Variants in WDR49 observed in about 807,000 individuals in gnomAD.
WDR49 encodes cilia- and flagella-associated protein 337.
Under a neutral mutation model 119.5 loss-of-function variants are expected in WDR49, and 107 were observed. The ratio of observed to expected loss-of-function variants is 0.90; its 90% CI spans 0.77 to 1.05. The LOEUF is 1.05. WDR49 is among the 50% of genes least tolerant of loss of function. The probability of loss-of-function intolerance (pLI) is 0.00; values close to 1 mark genes in which losing one functional copy is unlikely to be tolerated. For missense variants in WDR49, 1,240 were observed against 1,220.5 expected (o/e 1.02, Z -0.24); for synonymous variants, 425 against 418.8 (o/e 1.01, Z -0.18).
Position 167,527,908 on chromosome 3 carries a change from C to T in WDR49, c.2516G>A (p.Gly839Asp). ...GGAGGAGATAATCAGTAACTGACCA[C>T]CTGGCTCACACATCTCTAAGGAACT... ...RISSLEMCEP[G>D]GQLLIISSSA... Residue 839 changes from glycine (G) to aspartate (D), a missense_variant, in exon 15 of 19, where the codon GGT (glycine) becomes GAT (aspartate). By Grantham distance (94) the Gly-to-Asp change is moderately conservative (BLOSUM62 -1). Coordinates refer to ENST00000682715, the MANE Select transcript of WDR49 (RefSeq NM_001366157.1). 2 of 1,613,268 alleles carry T rather than the reference C, an allele frequency of 1.2e-6. No individual in the cohort carries two copies. Among genetic ancestry groups the T allele is most frequent in the Non-Finnish European group, 1.7e-6 (2 of 1,179,564 alleles).
chr3:167,500,904 T>C (rs1305986227), intron 17 of WDR49, among the ~76,000 whole-genome samples: 1 of 152,236 alleles, frequency 6.6e-6, no homozygotes, highest in Non-Finnish European at 1.5e-5. Flanking sequence ...TGTTTCTTTG[T>C]TAGTTCTGTG....
At chr3:167,522,013 G>GATAGATAGATAT (rs1275356016) in intron 16 of WDR49, among the ~76,000 whole-genome samples, 2 of 119,340 alleles carry the variant, frequency 1.7e-5, no homozygotes, top group African/African-American at 2.8e-5. Context: ...TAGATAGATA[G>GATAGATAGATAT]ATAGATTGTT....
intron 17 of WDR49, among the ~76,000 whole-genome samples, chr3:167,501,720 A>G (rs1191331100): frequency 1.3e-5 from 2 of 152,230 alleles, no homozygotes; most frequent in Non-Finnish European, 2.9e-5. Flanking sequence ...AATATACCTT[A>G]GTATAATAAT....
chr3:167,630,004 T>C (rs1717297893), intron 2 of WDR49, among the ~76,000 whole-genome samples: 1 of 152,126 alleles, frequency 6.6e-6, no homozygotes, highest in Non-Finnish European at 1.5e-5. Context: ...TGTAGACTAT[T>C]AAATAAACTT....
chr3:167,630,278 C>T (rs1384101963), intron 2 of WDR49, among the ~76,000 whole-genome samples: 2 of 152,108 alleles, frequency 1.3e-5, no homozygotes, highest in South Asian at 2.1e-4. Flanking sequence ...CATTACCTCT[C>T]GCCAAAGGCT....
chr3:167,631,134 G>A (rs1050604735), intron 2 of WDR49, among the ~76,000 whole-genome samples: 1 of 151,970 alleles, frequency 6.6e-6, no homozygotes, highest in Non-Finnish European at 1.5e-5. Context: ...GGAGCTGGGG[G>A]AGGGATAGCG....
At chr3:167,512,213 AG>A (rs145741176) in intron 16 of WDR49, among the ~76,000 whole-genome samples, 2,644 of 152,240 alleles carry the variant, frequency 0.017, 78 homozygotes, top group African/African-American at 0.061. Flanking sequence ...CACTGGCATC[AG>A]GTCAGTGCAC....
Position 167,627,189 on chromosome 3 carries a change from A to G in WDR49, c.269T>C (p.Phe90Ser). The G allele has an allele frequency of 8.0e-7, 1 of 1,257,468 alleles. No individual in the cohort carries two copies. The highest frequency in any genetic ancestry group is 1.0e-6 in the Non-Finnish European group (1 of 1,002,224). 77.9% of individuals were successfully genotyped at this position (1,257,468 alleles called of 1,614,324 possible). ...ATCTTGGGCCACATCCACTTTGTCA[A>G]AGAGCTCCCCATATTCTTCCTTCGT... The part of the protein sequence containing the change: ...WGTKEEYGEL[F>S]DKVDVAQDGF... The change falls in exon 3 of 19, where the codon TTT (phenylalanine) becomes TCT (serine). Residue 90 changes from phenylalanine to serine, a missense_variant. Phe to Ser is a radical substitution (Grantham distance 155). Transcript: ENST00000682715.
Position 167,529,086 on chromosome 3 carries a change from T to A in WDR49, c.2372A>T (p.Asp791Val), listed in dbSNP as rs1402100125. 1 of 1,592,326 alleles carries A rather than the reference T, an allele frequency of 6.3e-7. No individual in the cohort carries two copies. The highest frequency in any genetic ancestry group is 1.4e-5 in the African/African-American group (1 of 73,756). The change falls in exon 14 of 19, where the codon GAT becomes GTT. Residue 791 changes from aspartate to valine, a missense_variant. Coordinates refer to ENST00000682715, the MANE Select transcript of WDR49 (RefSeq NM_001366157.1). ...CCAGATTTTCAACCATCCATCAAGATCTCCTGTGGTAAGGTATCGATTCAT... is the reference window on the plus strand; with the variant it reads ...CCAGATTTTCAACCATCCATCAAGAACTCCTGTGGTAAGGTATCGATTCAT... ...DKMNRYLTTGDLDGWLKIWNI... is the reference protein window; with the variant it reads ...DKMNRYLTTGVLDGWLKIWNI...
rs535882371 is a variant in WDR49, at chr3:167,631,554, T to G, written c.166-4262A>C. On this transcript the variant is annotated intron_variant, in intron 2 of 18. Coordinates refer to ENST00000682715, the MANE Select transcript of WDR49 (RefSeq NM_001366157.1). The stretch of plus-strand genomic sequence containing the variant: ...GTATAAAACTCACAAATAATGAAGA[T>G]TAACTGTATTTCAAGCAAATATTTA... Among the ~76,000 whole-genome samples the G allele has an allele frequency of 2.6e-5, 4 of 152,178 alleles. No homozygotes were observed. In the South Asian group the frequency reaches 8.3e-4, roughly 31 times the overall value.
intron 6 of WDR49, among the ~76,000 whole-genome samples, chr3:167,603,404 T>C (rs963911520): frequency 1.3e-5 from 2 of 152,202 alleles, no homozygotes; most frequent in African/African-American, 4.8e-5. Flanking sequence ...CTAATAAATC[T>C]ACAGTACTCC....
chr3:167,553,947 G>A lies in WDR49; in HGVS notation c.1823+703C>T, dbSNP rs117340616. On this transcript the variant is annotated intron_variant, in intron 10 of 18. Coordinates refer to ENST00000682715, the MANE Select transcript of WDR49 (RefSeq NM_001366157.1). ...CTAGGTATAAAATCTGATTTAATCC[G>A]AGCTTCAAAGCATTAAGGTCATAAT... Among the ~76,000 whole-genome samples, 50 of 152,114 alleles carry A rather than the reference G, an allele frequency of 3.3e-4. No individual in the cohort carries two copies. In the East Asian group the frequency reaches 5.2e-3, roughly 16 times the overall value.
At chr3:167,613,916 G>A (rs1274380202) in intron 5 of WDR49, among the ~76,000 whole-genome samples, 2 of 150,236 alleles carry the variant, frequency 1.3e-5, no homozygotes, top group African/African-American at 4.9e-5. Flanking sequence ...CTGCAGCCTG[G>A]GTGACAGAGC....
intron 2 of WDR49, among the ~76,000 whole-genome samples, chr3:167,651,811 T>C (rs1249970136): frequency 6.6e-6 from 1 of 152,154 alleles, no homozygotes; most frequent in East Asian, 1.9e-4. Flanking sequence ...CCAGTTTCAC[T>C]TGGGTTCATT....
intron 17 of WDR49, among the ~76,000 whole-genome samples, chr3:167,502,810 AATTAT>A (rs1400533024): frequency 6.6e-6 from 1 of 152,204 alleles, no homozygotes; most frequent in Non-Finnish European, 1.5e-5. Flanking sequence ...TAAAGGTGGA[AATTAT>A]ATTTAAAGAA....
chr3:167,564,409 A>G (rs1037079440), intron 8 of WDR49, among the ~76,000 whole-genome samples: 1 of 152,190 alleles, frequency 6.6e-6, no homozygotes, highest in Non-Finnish European at 1.5e-5. Context: ...TGCATTTAAC[A>G]TTACTTGGCA....
intron 3 of WDR49, among the ~76,000 whole-genome samples, chr3:167,623,558 T>TACA (rs368581442): frequency 6.6e-6 from 1 of 151,782 alleles, no homozygotes; most frequent in East Asian, 1.9e-4. Context: ...AAACAGCATG[T>TACA]ACAACAACAA....
At chr3:167,521,082 C>A (rs1752416593) in intron 16 of WDR49, among the ~76,000 whole-genome samples, 1 of 151,982 alleles carries the variant, frequency 6.6e-6, no homozygotes, top group Non-Finnish European at 1.5e-5. Flanking sequence ...CCTGGAGTTG[C>A]AGGGAGCAGT....
rs1430282382 is a variant in WDR49 at position 167,528,968 on chromosome 3, A to G, written c.2406+84T>C. 5 of 1,168,854 alleles carry G rather than the reference A, an allele frequency of 4.3e-6. No individual in the cohort carries two copies. The East Asian group carries it at 1.3e-4, about 30-fold the overall frequency. The allele number at this position is 1,168,854 out of a possible 1,614,324, so 72.4% of individuals were successfully genotyped here. A position where few individuals can be genotyped will look rare whatever the true frequency, so the allele number is the denominator to read the frequency against. ...ATACATTTTTTCCTTTGTTTAGGAG[A>G]CAGACAAGGCTTGATTCATAGTTAC... is the stretch of plus-strand genomic sequence containing the variant. On this transcript the variant is annotated intron_variant, in intron 14 of 18. Transcript: ENST00000682715.
Sources: gnomAD v4.1 joint callset for allele counts (sites outside exome capture counted in the v4.1 genomes callset) on GRCh38, gnomAD v4.1.1 for gene constraint, MANE v1.5 for transcripts, NCBI Gene and HGNC (gene_info 2026-07-23, HGNC 2026-07-21) for gene names.